Variants in SMARCA1 observed in about 807,000 individuals in gnomAD.
The protein encoded by SMARCA1 is SWI/SNF-related matrix-associated actin-dependent regulator of chromatin subfamily A member 1.
A neutral mutation model predicts 93.6 loss-of-function variants in SMARCA1; 17 were observed. The ratio of observed to expected loss-of-function variants is 0.18; its 90% CI spans 0.12 to 0.27. SMARCA1 has a LOEUF of 0.27. SMARCA1 is among the 10% of genes least tolerant of loss of function. The pLI, the probability that SMARCA1 is intolerant of heterozygous loss-of-function variation, is 1.00. For missense variants in SMARCA1, 630 were observed against 819.0 expected, an observed-to-expected ratio of 0.77 and a Z score of 2.82; for synonymous variants, 271 against 271.4, an observed-to-expected ratio of 1.00 and a Z score of 0.01.
At chrX:129,462,986 C>T (rs908024248) in intron 23 of SMARCA1, among the ~76,000 whole-genome samples, 1 of 110,652 alleles carries the variant, frequency 9.0e-6, no homozygotes, top group East Asian at 2.8e-4. Context: ...GTTCCACAGT[C>T]GTGTTCATAT....
intron 19 of SMARCA1, among the ~76,000 whole-genome samples, chrX:129,478,338 G>T (rs1190344715): frequency 1.8e-5 from 2 of 111,773 alleles, no homozygotes; most frequent in Admixed American, 1.9e-4. Flanking sequence ...TCAATAAATA[G>T]GTATTACACT....
At chrX:129,464,524 T>C (rs192005911) in intron 23 of SMARCA1, among the ~76,000 whole-genome samples, 152 of 112,576 alleles carry the variant, frequency 1.4e-3, no homozygotes, top group African/African-American at 4.6e-3. Flanking sequence ...TAAGTAGGAC[T>C]AGAATAGGAA....
chrX:129,495,921 C>T (rs1283003409), intron 12 of SMARCA1, among the ~76,000 whole-genome samples: 3 of 104,808 alleles, frequency 2.9e-5, no homozygotes, highest in African/African-American at 7.0e-5. Context: ...TATAGACGCG[C>T]GCCACCACAC....
Position 129,523,478 on chromosome X carries a change from C to T in SMARCA1, c.-108G>A. ...TAGATGGAGCAGGGGTGGGGAATCA[C>T]TCCGCTTCCAACCCCTTCGCTCAGG... On this transcript the variant is annotated 5_prime_UTR_variant, in exon 1 of 25. In the 5' UTR this introduces an upstream ATG that the reference lacks. Coordinates refer to ENST00000371121, the MANE Select transcript of SMARCA1 (RefSeq NM_001282874.2). 1 of 623,800 alleles carries T rather than the reference C, an allele frequency of 1.6e-6. No individual in the cohort carries two copies. The highest frequency in any genetic ancestry group is 3.3e-5 in the South Asian group (1 of 30,615). 51.4% of individuals were successfully genotyped at this position (623,800 alleles called of 1,213,427 possible). A position where few individuals can be genotyped will look rare whatever the true frequency, so the allele number is the denominator to read the frequency against.
chrX:129,449,519 A>G (rs757612850), intron 23 of SMARCA1, among the ~76,000 whole-genome samples: 1 of 112,073 alleles, frequency 8.9e-6, no homozygotes, highest in African/African-American at 3.2e-5. Context: ...CCTATATTTC[A>G]CTGTCAGCAA....
chrX:129,447,240 T>C lies in SMARCA1; in HGVS notation c.3142-7A>G, dbSNP rs2124137942. 1 of 1,131,882 alleles carries C rather than the reference T, an allele frequency of 8.8e-7. No individual in the cohort carries two copies. The highest frequency in any genetic ancestry group is 2.0e-5 in the South Asian group (1 of 50,879). The allele number at this position is 1,131,882 out of a possible 1,213,427, so 93.3% of individuals were successfully genotyped here. A position where few individuals can be genotyped will look rare whatever the true frequency, so the allele number is the denominator to read the frequency against. On this transcript the variant is annotated splice_region_variant and splice_polypyrimidine_tract_variant and intron_variant, in intron 24 of 24. Coordinates refer to ENST00000371121, the MANE Select transcript of SMARCA1 (RefSeq NM_001282874.2). ...CTGCTTTTCTTTTCTGTGACTAAAATGGAAACAGATTTAATGTTCTGCTCC... is the reference window on the plus strand; with the variant it reads ...CTGCTTTTCTTTTCTGTGACTAAAACGGAAACAGATTTAATGTTCTGCTCC...
chrX:129,482,095 A>G (rs1933694688), intron 17 of SMARCA1, among the ~76,000 whole-genome samples: 1 of 90,131 alleles, frequency 1.1e-5, no homozygotes, highest in African/African-American at 4.1e-5. Context: ...AAAACCAAAC[A>G]CCGCATATTC....
intron 9 of SMARCA1, among the ~76,000 whole-genome samples, chrX:129,503,877 G>A (rs1158091713): frequency 1.9e-5 from 2 of 105,491 alleles, no homozygotes; most frequent in Admixed American, 1.0e-4. Context: ...CAAGAGAATC[G>A]CTTGAACCCG....
rs191032876 is a variant in SMARCA1 at position 129,464,086 on chromosome X, C to T, written c.3030+1434G>A. Among the ~76,000 whole-genome samples the T allele has an allele frequency of 4.5e-4, 51 of 112,418 alleles. No homozygotes were observed. In the East Asian group the frequency reaches 0.012, roughly 27 times the overall value. On this transcript the variant is annotated intron_variant, in intron 23 of 24. Transcript: ENST00000371121. ...AATATTTGCTAGCTCTCCAAGCATACGCCATTCATAAATTTGATGGACATA... is the reference window on the plus strand; with the variant it reads ...AATATTTGCTAGCTCTCCAAGCATATGCCATTCATAAATTTGATGGACATA...
chrX:129,517,470 A>C lies in SMARCA1; in HGVS notation c.261+891T>G, dbSNP rs185530329. 4.4e-3 allele frequency among the ~76,000 whole-genome samples: 491 copies of C among 111,322 alleles called. 4 individuals carry two copies. Among genetic ancestry groups the C allele is most frequent in the African/African-American group, 0.015 (472 of 30,862 alleles). Reference sequence around the variant, plus strand: ...AAGAGTTCATTAACATAAACATAAGAGTTAGATAAATTCAGACTACAAGCT... The same window carrying C: ...AAGAGTTCATTAACATAAACATAAGCGTTAGATAAATTCAGACTACAAGCT... On this transcript the variant is annotated intron_variant, in intron 2 of 24. Transcript: ENST00000371121.
chrX:129,497,078 C>G (rs1211848025), intron 11 of SMARCA1, among the ~76,000 whole-genome samples: 1 of 111,068 alleles, frequency 9.0e-6, no homozygotes, highest in Non-Finnish European at 1.9e-5. Flanking sequence ...TTGAGTTTGG[C>G]ATTTTTTAAG....
At chrX:129,485,179 T>C (rs932098543) in intron 17 of SMARCA1, among the ~76,000 whole-genome samples, 3 of 112,342 alleles carry the variant, frequency 2.7e-5, no homozygotes, top group African/African-American at 9.7e-5. Flanking sequence ...AACAGCCACG[T>C]GGGCTGTACC....
chrX:129,507,798 C>T, intron 7 of SMARCA1, 143 bp downstream of exon 7: 1 of 400,687 alleles, frequency 2.5e-6, no homozygotes, highest in Non-Finnish European at 4.2e-6. Context: ...GTGATCCGCC[C>T]TCCTCGGCCT....
chrX:129,452,634 T>C (rs1932364971), intron 23 of SMARCA1, among the ~76,000 whole-genome samples: 1 of 112,339 alleles, frequency 8.9e-6, no homozygotes, highest in South Asian at 3.7e-4. Flanking sequence ...CAACTCTATC[T>C]GAACACAGAA....
chrX:129,505,993 G>T, intron 8 of SMARCA1, 87 bp downstream of exon 8: 1 of 730,485 alleles, frequency 1.4e-6, no homozygotes, highest in Non-Finnish European at 2.0e-6. Flanking sequence ...AAATTAAAAA[G>T]TACCATAAAT....
intron 17 of SMARCA1, among the ~76,000 whole-genome samples, 193 bp from the exon 18 acceptor site, chrX:129,481,378 TTTTC>T (rs1375999304): frequency 8.9e-6 from 1 of 112,389 alleles, no homozygotes; most frequent in African/African-American, 3.2e-5. Context: ...GCAAAGACAG[TTTTC>T]TTTATTTTTA....
chrX:129,492,068 G>C lies in SMARCA1; in HGVS notation c.1688C>G (p.Pro563Arg). 1.7e-6 allele frequency: 2 copies of C among 1,174,355 alleles called. No homozygotes were observed. Among genetic ancestry groups the C allele is most frequent in the Non-Finnish European group, 2.3e-6 (2 of 864,500 alleles). ...QREAIEAFNA[P>R]NSSKFIFMLS... is the part of the protein sequence containing the mutation. ...CATAAAGATGAATTTGCTACTATTA[G>C]GAGCATTAAAAGCCTCTATTGCTTC... The change falls in exon 14 of 25, where the codon CCT becomes CGT. Residue 563 changes from proline (P) to arginine (R), a missense_variant. By Grantham distance (103) the Pro-to-Arg change is moderately radical (BLOSUM62 -2). Around this residue, in one of 4 missense-constraint regions of SMARCA1, gnomAD observed 382 missense variants for 537.9 expected, o/e 0.71. Coordinates refer to ENST00000371121, the MANE Select transcript of SMARCA1 (RefSeq NM_001282874.2).
At chrX:129,485,227 G>A (rs1933843638) in intron 17 of SMARCA1, among the ~76,000 whole-genome samples, 1 of 112,132 alleles carries the variant, frequency 8.9e-6, no homozygotes, top group African/African-American at 3.2e-5. Context: ...CAAGGGCTCG[G>A]GACCCCATTT....
chrX:129,458,239 T>TC (rs1165073659), intron 23 of SMARCA1, among the ~76,000 whole-genome samples: 1 of 112,396 alleles, frequency 8.9e-6, no homozygotes, highest in Non-Finnish European at 1.9e-5. Flanking sequence ...TTGCAAAATA[T>TC]CCTTCTTCTT....
Sources: gnomAD v4.1 joint callset for allele counts (sites outside exome capture counted in the v4.1 genomes callset) on GRCh38, gnomAD v4.1.1 for gene constraint, gnomAD v4.1.1 regional missense constraint, MANE v1.5 for transcripts, NCBI Gene and HGNC (gene_info 2026-07-23, HGNC 2026-07-21) for gene names.